Variants in IGSF11 observed in about 807,000 individuals in gnomAD.
The protein encoded by IGSF11 is CXADR like 1.
In IGSF11, 22 loss-of-function variants were observed where a neutral mutation model predicts 41.0. That is an observed-to-expected ratio of 0.54 (90% CI 0.38 to 0.77). The LOEUF is 0.77. Ranked by LOEUF, IGSF11 falls within the 30% of genes least tolerant of loss-of-function variation. The pLI, the probability that IGSF11 is intolerant of heterozygous loss-of-function variation, is 0.00. For synonymous variants in IGSF11, 219 were observed against 201.3 expected, an observed-to-expected ratio of 1.09 and a Z score of -0.74; for missense variants, 444 against 530.8, an observed-to-expected ratio of 0.84 and a Z score of 1.61.
At chr3:118,969,761 G>T (rs373777147) in intron 1 of IGSF11, among the ~76,000 whole-genome samples, 8 of 152,242 alleles carry the variant, frequency 5.3e-5, no homozygotes, top group African/African-American at 1.9e-4. Context: ...CTTCCTCATG[G>T]GCGCATCTAA....
rs1389477237 is a variant in IGSF11 at position 118,914,587 on chromosome 3, C to A, written c.581-8869G>T. ...GCGCACCACGAGACTATATCCCACA[C>A]CTGGCTCGGAGGGTCCTACGCCCAC... On this transcript the variant is annotated intron_variant, in intron 4 of 6. Coordinates refer to ENST00000393775, the MANE Select transcript of IGSF11 (RefSeq NM_001015887.3). Among the ~76,000 whole-genome samples, 5 of 150,876 alleles carry A rather than the reference C, an allele frequency of 3.3e-5. No homozygotes were observed. The South Asian group carries it at 8.6e-4, about 26-fold the overall frequency.
chr3:119,058,087 C>A (rs566987452), intron 1 of IGSF11, among the ~76,000 whole-genome samples: 4 of 152,126 alleles, frequency 2.6e-5, no homozygotes, highest in South Asian at 2.1e-4. Flanking sequence ...TCTAAAACAC[C>A]AAAAGCAATG....
chr3:118,923,814 A>G (rs917341979), intron 4 of IGSF11, among the ~76,000 whole-genome samples: 3 of 152,228 alleles, frequency 2.0e-5, no homozygotes, highest in African/African-American at 7.2e-5. Flanking sequence ...GCAATATCAC[A>G]GAAATGATGT....
In IGSF11 at chr3:119,031,213, C is replaced by T. The variant is rs555494032; in HGVS notation, c.52+3318G>A. On this transcript the variant is annotated intron_variant, in intron 1 of 6. Transcript: ENST00000393775. Reference sequence around the variant, plus strand: ...CGGGGATTGCAGTGAGCCAAGATGGCGCCACTGCACTCCAGCCTGGACAAC... The same window carrying T: ...CGGGGATTGCAGTGAGCCAAGATGGTGCCACTGCACTCCAGCCTGGACAAC... 7.2e-5 allele frequency among the ~76,000 whole-genome samples: 11 copies of T among 152,198 alleles called. No individual in the cohort carries two copies. In the South Asian group the frequency reaches 2.1e-3, roughly 29 times the overall value.
chr3:119,120,385 T>C (rs2107529085), intron 1 of IGSF11, among the ~76,000 whole-genome samples: 1 of 152,350 alleles, frequency 6.6e-6, no homozygotes, highest in Non-Finnish European at 1.5e-5. Context: ...GTTCTTCGTC[T>C]TGGCTGAGAA....
intron 4 of IGSF11, among the ~76,000 whole-genome samples, chr3:118,907,236 C>G (rs1306386514): frequency 6.6e-6 from 1 of 152,094 alleles, no homozygotes; most frequent in Non-Finnish European, 1.5e-5. Flanking sequence ...GAAGCAGACA[C>G]GAGGAGTCAG....
At chr3:119,064,081 A>C (rs1942142314) in intron 1 of IGSF11, among the ~76,000 whole-genome samples, 1 of 152,186 alleles carries the variant, frequency 6.6e-6, no homozygotes, top group Non-Finnish European at 1.5e-5. Context: ...GATGCCAAGA[A>C]AACTGGTGTG....
At chr3:119,111,117 C>T (rs1227019958) in intron 1 of IGSF11, among the ~76,000 whole-genome samples, 2 of 152,052 alleles carry the variant, frequency 1.3e-5, no homozygotes, top group African/African-American at 2.4e-5. Context: ...CTCTGTATTT[C>T]CTGTATCTGA....
At chr3:118,956,494 A>G (rs966205266) in intron 1 of IGSF11, among the ~76,000 whole-genome samples, 1 of 152,180 alleles carries the variant, frequency 6.6e-6, no homozygotes. Flanking sequence ...AGGCTATTAC[A>G]GGGTTATCAA....
chr3:119,142,119 C>CA (rs1336301051), intron 1 of IGSF11, among the ~76,000 whole-genome samples: 1 of 151,698 alleles, frequency 6.6e-6, no homozygotes, highest in African/African-American at 2.4e-5. Context: ...ACTAAAAATA[C>CA]AAAAAATTAG....
intron 1 of IGSF11, among the ~76,000 whole-genome samples, chr3:119,083,532 ACACAAAC>A (rs1559857751): frequency 1.3e-4 from 6 of 46,080 alleles, no homozygotes; most frequent in African/African-American, 5.6e-4. Flanking sequence ...ACACACACAC[ACACAAAC>A]ACACACACAC....
chr3:118,905,815 A>G, intron 4 of IGSF11, 97 bp from the exon 5 acceptor site: 3 of 1,357,982 alleles, frequency 2.2e-6, no homozygotes, highest in Non-Finnish European at 2.0e-6. Flanking sequence ...AACACTGGAG[A>G]GCTATCAATA....
At chr3:118,965,763 G>A (rs1945628776) in intron 1 of IGSF11, among the ~76,000 whole-genome samples, 1 of 152,074 alleles carries the variant, frequency 6.6e-6, no homozygotes, top group Non-Finnish European at 1.5e-5. Context: ...CTTTCTACCT[G>A]TCTACCACTT....
chr3:118,902,811 G>A lies in IGSF11; in HGVS notation c.1005C>T (p.Val335=). 6.2e-7 allele frequency: 1 copy of A among 1,614,170 alleles called. No individual in the cohort carries two copies. The highest frequency in any genetic ancestry group is 8.5e-7 in the Non-Finnish European group (1 of 1,180,014). ...NPKVHRNTES[V]SHFSDLGQSF... ...ATTGGCCCAAGTCACTGAAGTGGCTGACTGACTCTGTGTTTCTATGAACTT... is the reference window on the plus strand; with the variant it reads ...ATTGGCCCAAGTCACTGAAGTGGCTAACTGACTCTGTGTTTCTATGAACTT... The change falls in exon 7 of 7, where the codon GTC becomes GTT. Residue 335 remains valine, a synonymous_variant. Coordinates refer to ENST00000393775, the MANE Select transcript of IGSF11 (RefSeq NM_001015887.3).
chr3:118,997,228 A>T (rs28479575), intron 1 of IGSF11, among the ~76,000 whole-genome samples: 130 of 150,622 alleles, frequency 8.6e-4, no homozygotes, highest in African/African-American at 3.2e-3. Flanking sequence ...GACATTTGGC[A>T]TCACTATTTC....
chr3:119,003,885 T>C (rs1937175496), intron 1 of IGSF11, among the ~76,000 whole-genome samples: 1 of 148,802 alleles, frequency 6.7e-6, no homozygotes, highest in Non-Finnish European at 1.5e-5. Flanking sequence ...TTGAGGATTT[T>C]TGCATCGATA....
intron 1 of IGSF11, among the ~76,000 whole-genome samples, chr3:119,024,010 A>G (rs1939576844): frequency 6.6e-6 from 1 of 152,232 alleles, no homozygotes; most frequent in African/African-American, 2.4e-5. Flanking sequence ...ATGGAATTAA[A>G]GGGCTCTAAG....
intron 1 of IGSF11, among the ~76,000 whole-genome samples, chr3:119,064,729 T>G (rs766373676): frequency 6.6e-6 from 1 of 152,174 alleles, no homozygotes; most frequent in East Asian, 1.9e-4. Context: ...CTGTAGTTTC[T>G]TGTTCCTTTT....
intron 1 of IGSF11, among the ~76,000 whole-genome samples, chr3:119,084,499 T>C (rs1286752934): frequency 6.6e-6 from 1 of 152,126 alleles, no homozygotes; most frequent in African/African-American, 2.4e-5. Context: ...CAAGCATGTG[T>C]GGGGTAGTTC....
Sources: allele counts gnomAD v4.1 joint callset (sites outside exome capture counted in the v4.1 genomes callset), GRCh38; gene constraint gnomAD v4.1.1; transcripts MANE v1.5; gene names NCBI Gene and HGNC (gene_info 2026-07-23, HGNC 2026-07-21).